UBOX5: variants seen among roughly 807,000 people sequenced by gnomAD.
UBOX5 encodes RING finger protein 37.
UBOX5 carries 28 observed loss-of-function variants against 39.0 expected under a neutral mutation model. That is an observed-to-expected ratio of 0.72 (90% CI 0.53 to 0.98). The LOEUF (loss-of-function observed/expected upper bound fraction) is 0.98. UBOX5 is among the 50% of genes least tolerant of loss of function. UBOX5 has a pLI of 0.00. For synonymous variants in UBOX5, 283 were observed against 275.5 expected (o/e 1.03, Z -0.27); for missense variants, 585 against 674.4 (o/e 0.87, Z 1.47).
In UBOX5 at chr20:3,121,499, A is replaced by G. The variant is rs1374482379; in HGVS notation, c.1140T>C (p.Asn380=). The G allele has an allele frequency of 1.2e-6, 2 of 1,614,076 alleles. No individual in the cohort carries two copies. Among genetic ancestry groups the G allele is most frequent in the Non-Finnish European group, 8.5e-7 (1 of 1,180,020 alleles). ...GGCTTGTGGCAGAAAAACAGGAAGC[A>G]TTTACACCAAAGTTACTGTCTGGGA... ...EHVPDSNFGV[N]ASCFSATSPL... The change falls in exon 3 of 5, where the codon AAT becomes AAC. Residue 380 remains asparagine (N), a synonymous_variant. Coordinates refer to ENST00000217173, the MANE Select transcript of UBOX5 (RefSeq NM_014948.4).
chr20:3,112,861 A>G (rs2066263953), intron 4 of UBOX5, among the ~76,000 whole-genome samples: 1 of 151,990 alleles, frequency 6.6e-6, no homozygotes. Flanking sequence ...AGCTACTCAG[A>G]AGGCTGAGAC....
rs1370543893 is a variant in UBOX5, at chr20:3,149,257, GA to G, written c.-42+10508del. The G allele has an allele frequency of 1.7e-6, 1 of 591,684 alleles. No individual in the cohort carries two copies. Among genetic ancestry groups the G allele is most frequent in the Non-Finnish European group, 2.9e-6 (1 of 340,618 alleles). The allele number at this position is 591,684 out of a possible 1,614,324, so 36.7% of individuals were successfully genotyped here. ...AATGACTGGGTCAGAATTGGTGCCA[GA>G]TACTGAAAAAAGGGTAGATGAAGAA... On this transcript the variant is annotated intron_variant, in intron 1 of 4. Transcript: ENST00000217173. This position sits in a 1 kb window ranked among gnomAD's most constrained non-coding sequence, Gnocchi z 4.1.
chr20:3,136,776 C>T (rs565956364), intron 1 of UBOX5, among the ~76,000 whole-genome samples: 3 of 152,234 alleles, frequency 2.0e-5, no homozygotes, highest in East Asian at 3.9e-4. Flanking sequence ...CTGCCTCAGC[C>T]TCCCGAGTAG....
intron 4 of UBOX5, chr20:3,111,730 A>G (rs1185302176): frequency 6.6e-6 from 1 of 152,498 alleles, no homozygotes; most frequent in East Asian, 1.9e-4. Flanking sequence ...TTCAGAGCCC[A>G]CCAGCCCTTC....
At chr20:3,133,254 C>G (rs552971413) in intron 1 of UBOX5, among the ~76,000 whole-genome samples, 6 of 152,276 alleles carry the variant, frequency 3.9e-5, no homozygotes, top group South Asian at 4.1e-4. Flanking sequence ...AGGTCAGATG[C>G]CTTCTGCCTT....
At chr20:3,127,071 A>G (rs1481847190) in intron 1 of UBOX5, among the ~76,000 whole-genome samples, 1 of 148,710 alleles carries the variant, frequency 6.7e-6, no homozygotes, top group African/African-American at 2.5e-5. Context: ...AAGGACATCT[A>G]ATGCAAGTAG....
chr20:3,109,928 C>A lies in UBOX5; in HGVS notation c.*178G>T. 1.4e-6 allele frequency: 1 copy of A among 715,206 alleles called. No homozygotes were observed. Among genetic ancestry groups the A allele is most frequent in the Non-Finnish European group, 2.3e-6 (1 of 436,136 alleles). The allele number at this position is 715,206 out of a possible 1,614,324, so 44.3% of individuals were successfully genotyped here. ...CCCTCTGGCCTATGGCTTTGTTGCC[C>A]TATTGCCACCAGCGCAGAAGCAATG... On this transcript the variant is annotated 3_prime_UTR_variant, in exon 5 of 5. Coordinates refer to ENST00000217173, the MANE Select transcript of UBOX5 (RefSeq NM_014948.4).
intron 1 of UBOX5, among the ~76,000 whole-genome samples, chr20:3,135,603 A>C: frequency 6.6e-6 from 1 of 151,534 alleles, no homozygotes; most frequent in African/African-American, 2.4e-5. Flanking sequence ...TAAATTACCG[A>C]GCCATAACTA....
intron 1 of UBOX5, among the ~76,000 whole-genome samples, chr20:3,140,992 C>T (rs2066513420): frequency 6.7e-6 from 1 of 148,952 alleles, no homozygotes; most frequent in South Asian, 2.2e-4. Flanking sequence ...AATCTCAGCT[C>T]ACTGCAACCT....
chr20:3,113,498 T>A (rs577407796), intron 4 of UBOX5, among the ~76,000 whole-genome samples: 1 of 151,832 alleles, frequency 6.6e-6, no homozygotes, highest in African/African-American at 2.4e-5. Flanking sequence ...CCAACTGCTA[T>A]GAGTATGATG....
intron 3 of UBOX5, among the ~76,000 whole-genome samples, chr20:3,115,972 TAGG>T (rs923178158): frequency 4.0e-5 from 6 of 151,774 alleles, no homozygotes; most frequent in African/African-American, 1.5e-4. Flanking sequence ...CCATGTTGGC[TAGG>T]AGATCTCCTG....
chr20:3,124,865 G>C (rs1324756596), intron 1 of UBOX5, among the ~76,000 whole-genome samples: 1 of 150,478 alleles, frequency 6.6e-6, no homozygotes, highest in Non-Finnish European at 1.5e-5. Context: ...TGAGAAGTGA[G>C]GAGCGCCTCT....
chr20:3,110,181 T>C lies in UBOX5; in HGVS notation c.1551A>G (p.Gln517=). Residue 517 remains glutamine (Q), a synonymous_variant, in exon 5 of 5, where the codon CAA becomes CAG. Coordinates refer to ENST00000217173, the MANE Select transcript of UBOX5 (RefSeq NM_014948.4). The stretch of plus-strand genomic sequence containing the variant: ...CTGTGCACGTCATGGGCAGGGAGCG[T>C]TGCTTCTCACCCAGGCAGGGTCGGC... ...LLCRPCLGEK[Q]RSLPMTCTAC... is the part of the protein sequence containing the mutation. 6.2e-7 allele frequency: 1 copy of C among 1,613,754 alleles called. No homozygotes were observed. Among genetic ancestry groups the C allele is most frequent in the Non-Finnish European group, 8.5e-7 (1 of 1,180,010 alleles).
chr20:3,129,125 C>A (rs2066411570), intron 1 of UBOX5, among the ~76,000 whole-genome samples: 2 of 152,174 alleles, frequency 1.3e-5, no homozygotes, highest in Non-Finnish European at 2.9e-5. Flanking sequence ...ACTACAAAAG[C>A]ATATGGACCT....
At chr20:3,124,446 G>A (rs1354475838) in intron 1 of UBOX5, among the ~76,000 whole-genome samples, 2 of 152,208 alleles carry the variant, frequency 1.3e-5, no homozygotes, top group African/African-American at 4.8e-5. Flanking sequence ...CCAGGCTGGA[G>A]TGCAGTGGCG....
intron 1 of UBOX5, among the ~76,000 whole-genome samples, chr20:3,143,688 G>A (rs561166083): frequency 2.6e-5 from 4 of 152,214 alleles, no homozygotes; most frequent in African/African-American, 7.2e-5. Context: ...CCAGCTACTC[G>A]GGAGGCTGGG....
chr20:3,146,452 C>A, intron 1 of UBOX5: 1 of 203,466 alleles, frequency 4.9e-6, no homozygotes, highest in East Asian at 1.2e-4. Flanking sequence ...TAATGTCTGA[C>A]TATACTTTTA....
intron 4 of UBOX5, 127 bp downstream of exon 4, chr20:3,115,178 T>C: frequency 2.5e-6 from 3 of 1,210,874 alleles, no homozygotes; most frequent in Non-Finnish European, 3.3e-6. Flanking sequence ...CCAGGGTGGG[T>C]GTTGGAACTG....
intron 1 of UBOX5, among the ~76,000 whole-genome samples, chr20:3,157,488 C>T (rs75286457): frequency 0.077 from 11,785 of 152,268 alleles, 543 homozygotes; most frequent in Middle Eastern, 0.13. Context: ...ACAGCCCTTC[C>T]GCTTCTCTTT....
Sources: allele counts gnomAD v4.1 joint callset (sites outside exome capture counted in the v4.1 genomes callset), GRCh38; gene constraint gnomAD v4.1.1; non-coding constraint Gnocchi (gnomAD v3.1); transcripts MANE v1.5; gene names NCBI Gene and HGNC (gene_info 2026-07-23, HGNC 2026-07-21).